TNKS: variants seen among roughly 807,000 people sequenced by gnomAD.
The protein encoded by TNKS is poly [ADP-ribose] polymerase tankyrase-1.
TNKS carries 72 observed loss-of-function variants against 135.8 expected under a neutral mutation model. The observed-to-expected ratio is 0.53, with a 90% confidence interval of 0.44 to 0.64. TNKS has a LOEUF of 0.64. Ranked by LOEUF, TNKS falls within the 30% of genes least tolerant of loss-of-function variation. The probability of loss-of-function intolerance (pLI) is 0.00; values close to 1 mark genes in which losing one functional copy is unlikely to be tolerated. For missense variants in TNKS, 1,769 were observed against 1,674.0 expected (o/e 1.06, Z -0.99); for synonymous variants, 849 against 649.3 (o/e 1.31, Z -4.68).
At chr8:9,591,541 C>T (rs996724895) in intron 2 of TNKS, among the ~76,000 whole-genome samples, 2 of 152,180 alleles carry the variant, frequency 1.3e-5, no homozygotes, top group African/African-American at 2.4e-5. Flanking sequence ...TTTTTATGTA[C>T]AGTGGTCATT....
At chr8:9,674,761 G>C (rs1802465924) in intron 3 of TNKS, among the ~76,000 whole-genome samples, 1 of 152,146 alleles carries the variant, frequency 6.6e-6, no homozygotes, top group Admixed American at 6.5e-5. Context: ...AAAAGGTCAA[G>C]GTTCCAGGAG....
chr8:9,579,857 G>A (rs1798103488), intron 1 of TNKS, among the ~76,000 whole-genome samples: 1 of 152,216 alleles, frequency 6.6e-6, no homozygotes, highest in African/African-American at 2.4e-5. Flanking sequence ...GGGAAAGTGA[G>A]TTCCTGGATA....
At chr8:9,609,010 T>G (rs1035095262) in intron 2 of TNKS, among the ~76,000 whole-genome samples, 1 of 152,192 alleles carries the variant, frequency 6.6e-6, no homozygotes, top group African/African-American at 2.4e-5. Context: ...TATTTAAAAT[T>G]TTTTCGTTAT....
intron 17 of TNKS, among the ~76,000 whole-genome samples, chr8:9,742,269 T>C (rs1011734636): frequency 6.6e-6 from 1 of 152,318 alleles, no homozygotes; most frequent in South Asian, 2.1e-4. Flanking sequence ...ACTGTTACTT[T>C]TTTTTGGCAA....
intron 11 of TNKS, among the ~76,000 whole-genome samples, chr8:9,714,486 A>C (rs1282413146): frequency 6.6e-6 from 1 of 152,180 alleles, no homozygotes; most frequent in Non-Finnish European, 1.5e-5. Context: ...TTAATTATCT[A>C]AATTTTATAA....
intron 20 of TNKS, among the ~76,000 whole-genome samples, chr8:9,760,664 G>A (rs900175604): frequency 6.6e-6 from 1 of 152,166 alleles, no homozygotes. Context: ...GTGGCTACCC[G>A]CGTTCATCCT....
intron 2 of TNKS, among the ~76,000 whole-genome samples, chr8:9,598,763 GTGTA>G (rs1563106100): frequency 7.8e-4 from 46 of 58,766 alleles, no homozygotes; most frequent in African/African-American, 2.4e-3. Context: ...ATATGTGTGT[GTGTA>G]TATATATATA....
chr8:9,700,683 G>C (rs1208401651), intron 5 of TNKS, among the ~76,000 whole-genome samples: 1 of 151,520 alleles, frequency 6.6e-6, no homozygotes, highest in African/African-American at 2.4e-5. Context: ...TCACTAGCTA[G>C]ATCAGTCATT....
intron 20 of TNKS, among the ~76,000 whole-genome samples, chr8:9,756,971 GTTTT>G: frequency 6.6e-6 from 1 of 150,940 alleles, no homozygotes. Context: ...GTTTTTGTTT[GTTTT>G]TTTTTGTTTG....
intron 17 of TNKS, among the ~76,000 whole-genome samples, chr8:9,744,009 T>G (rs368501901): frequency 6.6e-6 from 1 of 152,246 alleles, no homozygotes; most frequent in South Asian, 2.1e-4. Context: ...TTCATACTTA[T>G]TTACTTTTTT....
intron 13 of TNKS, 142 bp downstream of exon 13, chr8:9,726,862 A>T (rs1001542801): frequency 3.0e-6 from 2 of 670,852 alleles, no homozygotes; most frequent in East Asian, 2.5e-5. Context: ...CTGTACTACT[A>T]TTAAGGAATT....
At chr8:9,762,179 C>G (rs947900805) in intron 21 of TNKS, among the ~76,000 whole-genome samples, 7 of 152,174 alleles carry the variant, frequency 4.6e-5, no homozygotes, top group African/African-American at 1.7e-4. Context: ...TTGTCTTTTT[C>G]CATTGTACTT....
chr8:9,605,480 T>A (rs946548554), intron 2 of TNKS, among the ~76,000 whole-genome samples: 6 of 152,106 alleles, frequency 3.9e-5, no homozygotes, highest in Admixed American at 3.9e-4. Context: ...GGTTTTTGGT[T>A]TGTTTCCTTT....
chr8:9,606,009 T>G (rs1312883594), intron 2 of TNKS, among the ~76,000 whole-genome samples: 1 of 151,930 alleles, frequency 6.6e-6, no homozygotes, highest in Admixed American at 6.6e-5. Flanking sequence ...AAGAAATCTT[T>G]GCATCCCGAG....
At chr8:9,558,322 A>G (rs1251764566) in intron 1 of TNKS, 1 of 152,226 alleles carries the variant, frequency 6.6e-6, no homozygotes, top group Non-Finnish European at 1.5e-5. Flanking sequence ...TTAGGAATGC[A>G]GTGAATTGAA....
intron 2 of TNKS, among the ~76,000 whole-genome samples, chr8:9,581,648 CTTG>C (rs1322129582): frequency 6.6e-6 from 1 of 152,192 alleles, no homozygotes; most frequent in Non-Finnish European, 1.5e-5. Context: ...CTTGCTTCAC[CTTG>C]TTGTCACAGC....
chr8:9,781,248 G>A lies in TNKS; in HGVS notation c.*4512G>A, dbSNP rs942791813. On this transcript the variant is annotated 3_prime_UTR_variant, in exon 27 of 27. Coordinates refer to ENST00000310430, the MANE Select transcript of TNKS (RefSeq NM_003747.3). ...CTGCCCTACCTCCCATCCTTTCAAA[G>A]AGGTTTCTTTCACGTTCCAGAATTC... is the stretch of plus-strand genomic sequence containing the variant. 1 of 152,034 alleles carries A rather than the reference G, an allele frequency of 6.6e-6. No individual in the cohort carries two copies. Among genetic ancestry groups the A allele is most frequent in the South Asian group, 2.1e-4 (1 of 4,818 alleles). 9.4% of individuals were successfully genotyped at this position (152,034 alleles called of 1,614,324 possible). A position where few individuals can be genotyped will look rare whatever the true frequency, so the allele number is the denominator to read the frequency against.
In TNKS at chr8:9,623,031, G is replaced by A. The variant is rs114288829; in HGVS notation, c.994+7354G>A. Among the ~76,000 whole-genome samples, 207 of 152,276 alleles carry A rather than the reference G, an allele frequency of 1.4e-3. 1 individual carries two copies. The highest frequency in any genetic ancestry group is 4.8e-3 in the African/African-American group (200 of 41,568). ...AATAGAACAGTTATAATGATGAACTGTAATGAGAGTTATGTCAATGTGGTC... is the reference window on the plus strand; with the variant it reads ...AATAGAACAGTTATAATGATGAACTATAATGAGAGTTATGTCAATGTGGTC... On this transcript the variant is annotated intron_variant, in intron 3 of 26. Coordinates refer to ENST00000310430, the MANE Select transcript of TNKS (RefSeq NM_003747.3).
intron 1 of TNKS, among the ~76,000 whole-genome samples, chr8:9,574,687 A>G (rs1797875375): frequency 6.6e-6 from 1 of 152,152 alleles, no homozygotes; most frequent in Admixed American, 6.5e-5. Flanking sequence ...TTCTTCACTA[A>G]CAGATCTTAG....
Sources: gnomAD v4.1 joint callset for allele counts (sites outside exome capture counted in the v4.1 genomes callset) on GRCh38, gnomAD v4.1.1 for gene constraint, MANE v1.5 for transcripts, NCBI Gene and HGNC (gene_info 2026-07-23, HGNC 2026-07-21) for gene names.